Variants in AMMECR1 observed in about 807,000 individuals in gnomAD.
The protein encoded by AMMECR1 is nuclear protein AMMECR1.
AMMECR1 carries 3 observed loss-of-function variants against 22.5 expected under a neutral mutation model. The ratio of observed to expected loss-of-function variants is 0.13; its 90% CI spans 0.06 to 0.35. The LOEUF is 0.35. Ranked by LOEUF, AMMECR1 falls within the 10% of genes least tolerant of loss-of-function variation. The pLI, the probability that AMMECR1 is intolerant of heterozygous loss-of-function variation, is 1.00. For synonymous variants in AMMECR1, 130 were observed against 116.7 expected (o/e 1.11, Z -0.74); for missense variants, 235 against 278.7 (o/e 0.84, Z 1.12).
intron 2 of AMMECR1, among the ~76,000 whole-genome samples, chrX:110,328,501 T>A (rs2068107150): frequency 9.9e-6 from 1 of 101,440 alleles, no homozygotes; most frequent in Non-Finnish European, 2.0e-5. Flanking sequence ...AGTTCTGGGA[T>A]ACATGTGCAG....
At chrX:110,281,592 C>T (rs940812291) in intron 1 of AMMECR1, among the ~76,000 whole-genome samples, 1 of 112,014 alleles carries the variant, frequency 8.9e-6, no homozygotes, top group African/African-American at 3.2e-5. Flanking sequence ...TGCCCTTACA[C>T]TCCACTCGAT....
chrX:110,387,841 C>T (rs1246401335), intron 2 of AMMECR1, among the ~76,000 whole-genome samples: 1 of 103,949 alleles, frequency 9.6e-6, no homozygotes, highest in African/African-American at 3.6e-5. Flanking sequence ...TTGATATGAT[C>T]GTTATCTCCC....
intron 5 of AMMECR1, among the ~76,000 whole-genome samples, chrX:110,200,481 T>G (rs976053435): frequency 8.9e-6 from 1 of 112,162 alleles, no homozygotes; most frequent in African/African-American, 3.2e-5. Flanking sequence ...AGCATCCCTA[T>G]TTTTTCATGC....
At chrX:110,318,217 A>AGCCACGCGGCT (rs2068063181), upstream of AMMECR1, 2 of 337,466 alleles carry the variant, frequency 5.9e-6, no homozygotes, top group African/African-American at 5.8e-5. Flanking sequence ...CCGTCTGCCT[A>AGCCACGCGGCT]GCCACGCGGC....
chrX:110,218,785 A>T (rs955160018), intron 2 of AMMECR1, among the ~76,000 whole-genome samples: 1 of 111,012 alleles, frequency 9.0e-6, no homozygotes, highest in Non-Finnish European at 1.9e-5. Context: ...CTACGTACCC[A>T]ATAGCAGTCA....
At chrX:110,403,455 G>A (rs939501051) in intron 2 of AMMECR1, among the ~76,000 whole-genome samples, 2 of 111,507 alleles carry the variant, frequency 1.8e-5, no homozygotes, top group African/African-American at 6.5e-5. Flanking sequence ...CAGACAGACA[G>A]ACACACACAC....
At chrX:110,268,536 C>T (rs892103290) in intron 1 of AMMECR1, among the ~76,000 whole-genome samples, 1 of 112,037 alleles carries the variant, frequency 8.9e-6, no homozygotes, top group Admixed American at 9.5e-5. Context: ...TAGACAGAAA[C>T]GTAATAAACA....
At chrX:110,264,729 C>A in intron 1 of AMMECR1, 130 bp from the exon 2 acceptor site, 1 of 444,640 alleles carries the variant, frequency 2.2e-6, no homozygotes, top group Non-Finnish European at 3.9e-6. Context: ...AAGGGGCTCA[C>A]AGGCCAGCCC....
At chrX:110,424,513 C>A (rs2068740597) in intron 2 of AMMECR1, among the ~76,000 whole-genome samples, 1 of 111,424 alleles carries the variant, frequency 9.0e-6, no homozygotes, top group Non-Finnish European at 1.9e-5. Context: ...ATGGGACATC[C>A]ATAACTCAGG....
chrX:110,344,429 C>T (rs1484421417), intron 2 of AMMECR1, among the ~76,000 whole-genome samples: 8 of 111,770 alleles, frequency 7.2e-5, no homozygotes, highest in African/African-American at 9.8e-5. Context: ...AGGACATAGG[C>T]GTGGGCAAGG....
intron 2 of AMMECR1, among the ~76,000 whole-genome samples, chrX:110,349,324 T>A (rs1361842498): frequency 8.9e-6 from 1 of 111,830 alleles, no homozygotes; most frequent in Non-Finnish European, 1.9e-5. Flanking sequence ...TTTTGGAGAC[T>A]GAGAAGTCCA....
intron 1 of AMMECR1, among the ~76,000 whole-genome samples, chrX:110,272,209 C>T (rs1282602456): frequency 3.6e-5 from 4 of 109,960 alleles, no homozygotes; most frequent in Non-Finnish European, 7.6e-5. Flanking sequence ...GAGCAAGACT[C>T]CATCTCAAAA....
intron 1 of AMMECR1, among the ~76,000 whole-genome samples, chrX:110,310,137 G>C (rs1434227498): frequency 8.9e-6 from 1 of 112,312 alleles, no homozygotes; most frequent in East Asian, 2.8e-4. Flanking sequence ...CATCACAATA[G>C]CTCTGTTGCT....
chrX:110,408,739 A>G (rs1221785295), intron 2 of AMMECR1, among the ~76,000 whole-genome samples: 1 of 112,253 alleles, frequency 8.9e-6, no homozygotes, highest in Admixed American at 9.4e-5. Flanking sequence ...TGTTGCATTC[A>G]TGGGGATTCT....
At chrX:110,308,228 G>GAC (rs2068007711) in intron 1 of AMMECR1, among the ~76,000 whole-genome samples, 1 of 111,447 alleles carries the variant, frequency 9.0e-6, no homozygotes, top group Admixed American at 9.5e-5. Flanking sequence ...CTAAAGGAGG[G>GAC]ACATCTAAGT....
intron 2 of AMMECR1, among the ~76,000 whole-genome samples, chrX:110,425,769 T>TTTGAAGAC (rs2068748756): frequency 8.9e-6 from 1 of 112,431 alleles, no homozygotes; most frequent in South Asian, 3.7e-4. Flanking sequence ...ATATAGCTGG[T>TTTGAAGAC]TGGAGCTGGA....
intron 1 of AMMECR1, among the ~76,000 whole-genome samples, chrX:110,437,217 C>T (rs1221315051): frequency 9.0e-6 from 1 of 111,645 alleles, no homozygotes; most frequent in Non-Finnish European, 1.9e-5. Flanking sequence ...AGCCCCTGAC[C>T]CCTGCAGTTG....
At chrX:110,314,831 T>C (rs1443760279) in intron 1 of AMMECR1, among the ~76,000 whole-genome samples, 3 of 112,156 alleles carry the variant, frequency 2.7e-5, no homozygotes, top group East Asian at 5.6e-4. Flanking sequence ...CCATACAGCT[T>C]GTTCATATAT....
At chrX:110,251,896 A>C (rs149426315) in intron 2 of AMMECR1, among the ~76,000 whole-genome samples, 1 of 112,093 alleles carries the variant, frequency 8.9e-6, no homozygotes, top group African/African-American at 3.2e-5. Flanking sequence ...GCCTACCTAC[A>C]TGTGTCCAAG....
Sources: gnomAD v4.1 joint callset for allele counts (sites outside exome capture counted in the v4.1 genomes callset) on GRCh38, gnomAD v4.1.1 for gene constraint, MANE v1.5 for transcripts, NCBI Gene and HGNC (gene_info 2026-07-23, HGNC 2026-07-21) for gene names.